The following SAMD4B variants were observed in gnomAD, a reference collection of about 807,000 sequenced individuals.
The protein encoded by SAMD4B is sterile alpha motif domain containing 4B, also known as protein Smaug homolog 2.
Under a neutral mutation model 74.5 loss-of-function variants are expected in SAMD4B, and 5 were observed. That is an observed-to-expected ratio of 0.07 (90% CI 0.04 to 0.14). The LOEUF (loss-of-function observed/expected upper bound fraction) is 0.14. Ranked by LOEUF, SAMD4B falls within the 10% of genes least tolerant of loss-of-function variation. The pLI is 1.00. For synonymous variants in SAMD4B, 373 were observed against 374.9 expected (o/e 1.00, Z 0.06); for missense variants, 608 against 921.8 (o/e 0.66, Z 4.41).
downstream of SAMD4B, chr19:39,389,501 T>C (rs1568374855): frequency 5.0e-6 from 8 of 1,614,178 alleles, no homozygotes; most frequent in Non-Finnish European, 6.8e-6. This position sits in a 1 kb window ranked among gnomAD's most constrained non-coding sequence, Gnocchi z 5.3. Context: ...GGTGGGGGCC[T>C]GAATCTCCTC....
chr19:39,386,314 T>C (rs748482850), downstream of SAMD4B: 11 of 1,614,042 alleles, frequency 6.8e-6, no homozygotes, highest in Middle Eastern at 1.6e-4. The surrounding 1 kb of genome is among the most constrained non-coding windows in gnomAD (Gnocchi z 6.1). Flanking sequence ...GCCTCGTCCC[T>C]GTCACCTTCC....
In SAMD4B at chr19:39,370,502, A is replaced by C. The variant is rs547326885; in HGVS notation, c.667+377A>C. On this transcript the variant is annotated intron_variant, in intron 4 of 13. Transcript: ENST00000610417. ...AATAATATAGAGCTTAATGTTGAGC[A>C]TGCCCTTTAGACCCTGCACAAGTGC... Among the ~76,000 whole-genome samples, 3 of 152,312 alleles carry C rather than the reference A, an allele frequency of 2.0e-5. No homozygotes were observed. In the South Asian group the frequency reaches 6.2e-4, roughly 32 times the overall value.
chr19:39,390,392 G>C (rs76342000), downstream of SAMD4B: 4,275 of 1,118,504 alleles, frequency 3.8e-3, 122 homozygotes, highest in African/African-American at 0.059. Flanking sequence ...GGTGACAAAT[G>C]CTGGTTTCTT....
intron 3 of SAMD4B, among the ~76,000 whole-genome samples, chr19:39,367,526 T>G (rs939099606): frequency 6.7e-6 from 1 of 148,702 alleles, no homozygotes; most frequent in African/African-American, 2.5e-5. Flanking sequence ...TTTTTTTTTT[T>G]TGAGACGGAG....
Position 39,369,473 on chromosome 19 carries a change from T to C in SAMD4B, c.197-182T>C, listed in dbSNP as rs2145673707. ...TTAAAAAAAATAAGACAAAAATTAC[T>C]CCAGAGGCAGGGTCAGTGTGTTTGA... On this transcript the variant is annotated intron_variant, in intron 3 of 13. Transcript: ENST00000610417. 5.0e-6 allele frequency: 3 copies of C among 603,478 alleles called. No individual in the cohort carries two copies. The South Asian group carries it at 6.2e-5, about 13-fold the overall frequency. The allele number at this position is 603,478 out of a possible 1,614,324, so 37.4% of individuals were successfully genotyped here. A position where few individuals can be genotyped will look rare whatever the true frequency, so the allele number is the denominator to read the frequency against.
In SAMD4B at chr19:39,384,058, T is replaced by G; in HGVS notation, c.*531T>G. The G allele has an allele frequency of 8.9e-6, 3 of 336,194 alleles. No individual in the cohort carries two copies. Among genetic ancestry groups the G allele is most frequent in the Non-Finnish European group, 1.6e-5 (3 of 182,360 alleles). 20.8% of individuals were successfully genotyped at this position (336,194 alleles called of 1,614,324 possible). On this transcript the variant is annotated 3_prime_UTR_variant, in exon 14 of 14. Transcript: ENST00000610417. ...TCCTCTCCCTGCTTCCCCTTCACCATTCCCCACATTCTGCAAGGACAGGAG... is the reference window on the plus strand; with the variant it reads ...TCCTCTCCCTGCTTCCCCTTCACCAGTCCCCACATTCTGCAAGGACAGGAG...
At chr19:39,351,157 T>A (rs2076018283) in intron 1 of SAMD4B, 1 of 152,128 alleles carries the variant, frequency 6.6e-6, no homozygotes, top group Admixed American at 6.5e-5. Context: ...AATTTTTTTG[T>A]AATTTTTGTA....
chr19:39,368,836 G>T lies in SAMD4B; in HGVS notation c.197-819G>T, dbSNP rs76309114. Among the ~76,000 whole-genome samples, 88 of 152,300 alleles carry T rather than the reference G, an allele frequency of 5.8e-4. 2 individuals are homozygous for T. In the East Asian group the frequency reaches 0.015, roughly 27 times the overall value. The stretch of plus-strand genomic sequence containing the variant: ...TCTCCAAAATTTCGCAGATAATTTA[G>T]TGCTCCATGAGGTTCAAGGTAGCTT... On this transcript the variant is annotated intron_variant, in intron 3 of 13. Coordinates refer to ENST00000610417, the MANE Select transcript of SAMD4B (RefSeq NM_001384574.2).
chr19:39,377,837 A>G lies in SAMD4B; in HGVS notation c.1444+13A>G, dbSNP rs1403956808. ...GTGATGGGCAAAGGTGAGACCAGCC[A>G]CAGCCTAGCAGGAAATCCTGAGGCA... On this transcript the variant is annotated intron_variant, in intron 8 of 13. Transcript: ENST00000610417. 1.9e-6 allele frequency: 3 copies of G among 1,563,554 alleles called. No individual in the cohort carries two copies. Among genetic ancestry groups the G allele is most frequent in the Non-Finnish European group, 2.6e-6 (3 of 1,151,810 alleles).
downstream of SAMD4B, chr19:39,389,877 CAG>C (rs770923499): frequency 1.3e-5 from 19 of 1,430,870 alleles, no homozygotes; most frequent in Non-Finnish European, 1.9e-5. This position sits in a 1 kb window ranked among gnomAD's most constrained non-coding sequence, Gnocchi z 5.3. Flanking sequence ...TCCCCCATGG[CAG>C]AGTCTGAAAG....
At chr19:39,365,275 C>T (rs371304712) in intron 3 of SAMD4B, among the ~76,000 whole-genome samples, 2 of 146,340 alleles carry the variant, frequency 1.4e-5, no homozygotes, top group African/African-American at 2.5e-5. Flanking sequence ...TCCTCCCTGC[C>T]GGACACCATG....
intron 2 of SAMD4B, among the ~76,000 whole-genome samples, chr19:39,355,090 C>T (rs977684766): frequency 6.6e-6 from 1 of 152,098 alleles, no homozygotes; most frequent in Admixed American, 6.5e-5. Flanking sequence ...CCAGTCTGAT[C>T]TTGAACTCCT....
chr19:39,355,589 G>C lies in SAMD4B; in HGVS notation c.-205-1100G>C, dbSNP rs560833820. ...GAATGTGGTTTGAGGATAGAGCCAA[G>C]GGCACTGGTTGCAAGAGAGACAGAT... On this transcript the variant is annotated intron_variant, in intron 2 of 13. Coordinates refer to ENST00000610417, the MANE Select transcript of SAMD4B (RefSeq NM_001384574.2). Among the ~76,000 whole-genome samples, 530 of 152,300 alleles carry C rather than the reference G, an allele frequency of 3.5e-3. 5 individuals are homozygous for C. Among genetic ancestry groups the C allele is most frequent in the African/African-American group, 0.012 (500 of 41,564 alleles).
In SAMD4B at chr19:39,375,858, C is replaced by T. The variant is rs2145782560; in HGVS notation, c.876C>T (p.Asn292=). The T allele has an allele frequency of 3.1e-6, 5 of 1,611,226 alleles. No individual in the cohort carries two copies. In the East Asian group the frequency reaches 1.1e-4, roughly 36 times the overall value. ...EQTEEQGSSR[N]TFQEDGSGMK... is the part of the protein sequence containing the mutation. ...CAGAGGAGCAGGGCTCCAGCCGGAA[C>T]ACCTTCCAGGAGGATGGCAGTGGCA... The change falls in exon 5 of 14, where the codon AAC becomes AAT. Residue 292 remains asparagine (N), a synonymous_variant. Transcript: ENST00000610417. The surrounding 1 kb of genome is among the most constrained non-coding windows in gnomAD (Gnocchi z 4.1).
In SAMD4B at chr19:39,384,047, C is replaced by T. The variant is rs1568369690; in HGVS notation, c.*520C>T. 1.1e-5 allele frequency: 4 copies of T among 372,694 alleles called. No homozygotes were observed. The highest frequency in any genetic ancestry group is 1.9e-5 in the Non-Finnish European group (4 of 205,420). The allele number at this position is 372,694 out of a possible 1,614,324, so 23.1% of individuals were successfully genotyped here. On this transcript the variant is annotated 3_prime_UTR_variant, in exon 14 of 14. Coordinates refer to ENST00000610417, the MANE Select transcript of SAMD4B (RefSeq NM_001384574.2). ...GAAGCTCTCTCTCCTCTCCCTGCTTCCCCTTCACCATTCCCCACATTCTGC... is the reference window on the plus strand; with the variant it reads ...GAAGCTCTCTCTCCTCTCCCTGCTTTCCCTTCACCATTCCCCACATTCTGC...
At chr19:39,355,070 G>A (rs2076269000) in intron 2 of SAMD4B, among the ~76,000 whole-genome samples, 1 of 151,890 alleles carries the variant, frequency 6.6e-6, no homozygotes, top group African/African-American at 2.4e-5. Context: ...ACGGGATTTC[G>A]CCACTTTGGC....
chr19:39,361,651 C>T (rs894809464), intron 3 of SAMD4B, among the ~76,000 whole-genome samples: 4 of 150,162 alleles, frequency 2.7e-5, no homozygotes, highest in African/African-American at 7.4e-5. Context: ...CGGCCGGGCG[C>T]GGTGGCTCAC....
At chr19:39,343,787 T>G (rs915478469) in intron 1 of SAMD4B, among the ~76,000 whole-genome samples, 5 of 151,760 alleles carry the variant, frequency 3.3e-5, no homozygotes, top group African/African-American at 1.2e-4. Context: ...CATCACACGC[T>G]CCAAAAATTG....
At chr19:39,382,890 T>G (rs2078085594) in intron 12 of SAMD4B, among the ~76,000 whole-genome samples, 1 of 152,056 alleles carries the variant, frequency 6.6e-6, no homozygotes, top group East Asian at 1.9e-4. Context: ...ATGCCCAGAC[T>G]GTGCTCAAGA....
Sources: gnomAD v4.1 joint callset for allele counts (sites outside exome capture counted in the v4.1 genomes callset) on GRCh38, gnomAD v4.1.1 for gene constraint, Gnocchi (gnomAD v3.1) non-coding constraint, MANE v1.5 for transcripts, NCBI Gene and HGNC (gene_info 2026-07-23, HGNC 2026-07-21) for gene names.